Variants in CTNNBIP1 observed in about 807,000 individuals in gnomAD.
CTNNBIP1 encodes catenin beta interacting protein 1.
A neutral mutation model predicts 11.8 loss-of-function variants in CTNNBIP1; 7 were observed. That is an observed-to-expected ratio of 0.60 (90% CI 0.34 to 1.12). The LOEUF (loss-of-function observed/expected upper bound fraction) is 1.12, where lower values mean the gene tolerates loss of function less well. Among genes scored for constraint, CTNNBIP1 ranks in the 50% most tolerant of loss-of-function variants. The pLI is 0.03. For synonymous variants in CTNNBIP1, 58 were observed against 43.9 expected, an observed-to-expected ratio of 1.32 and a Z score of -1.26; for missense variants, 101 against 113.4, an observed-to-expected ratio of 0.89 and a Z score of 0.50.
At chr1:9,852,256 G>T (rs1037423729) in intron 5 of CTNNBIP1, among the ~76,000 whole-genome samples, 1 of 152,156 alleles carries the variant, frequency 6.6e-6, no homozygotes, top group East Asian at 1.9e-4. Flanking sequence ...GCTGTCGGGA[G>T]GGCCAGAGAT....
chr1:9,906,059 G>A (rs1320116489), intron 1 of CTNNBIP1, among the ~76,000 whole-genome samples: 2 of 152,232 alleles, frequency 1.3e-5, no homozygotes, highest in African/African-American at 2.4e-5. Flanking sequence ...CATATACCAA[G>A]TGCTAGGTGG....
intron 5 of CTNNBIP1, among the ~76,000 whole-genome samples, chr1:9,861,943 A>G (rs1260326889): frequency 6.6e-6 from 1 of 152,224 alleles, no homozygotes; most frequent in Non-Finnish European, 1.5e-5. Context: ...AAAGCATCAT[A>G]AACGACATCC....
intron 5 of CTNNBIP1, among the ~76,000 whole-genome samples, chr1:9,860,167 G>A (rs997203626): frequency 2.0e-5 from 3 of 152,056 alleles, no homozygotes; most frequent in African/African-American, 7.2e-5. Flanking sequence ...AAAAAAGCCT[G>A]GCTAAACTCC....
intron 1 of CTNNBIP1, among the ~76,000 whole-genome samples, chr1:9,887,316 A>G (rs1639207509): frequency 6.6e-6 from 1 of 152,208 alleles, no homozygotes; most frequent in Non-Finnish European, 1.5e-5. Context: ...GAGGCCATGG[A>G]GTAATAAGTG....
At chr1:9,862,748 G>A (rs534720516) in intron 5 of CTNNBIP1, among the ~76,000 whole-genome samples, 11 of 152,310 alleles carry the variant, frequency 7.2e-5, no homozygotes, top group African/African-American at 2.6e-4. Flanking sequence ...TTCCTAGGTG[G>A]TCTCCCCTCC....
intron 2 of CTNNBIP1, among the ~76,000 whole-genome samples, chr1:9,882,352 ACACCAGTCAAGTCACC>A (rs1267278207): frequency 6.6e-6 from 1 of 152,250 alleles, no homozygotes. Context: ...GGGGAGACAG[ACACCAGTCAAGTCACC>A]CAGATCAATG....
intron 1 of CTNNBIP1, among the ~76,000 whole-genome samples, chr1:9,899,603 C>G (rs543918039): frequency 1.3e-5 from 2 of 150,172 alleles, no homozygotes; most frequent in African/African-American, 4.9e-5. Context: ...TACTAAAATA[C>G]AAAAAATTAG....
chr1:9,882,628 G>A (rs1639107003), intron 2 of CTNNBIP1, among the ~76,000 whole-genome samples: 1 of 152,186 alleles, frequency 6.6e-6, no homozygotes, highest in Admixed American at 6.5e-5. Context: ...CCAAGGTGTG[G>A]AGCAGAGGCT....
intron 2 of CTNNBIP1, among the ~76,000 whole-genome samples, chr1:9,879,883 G>A (rs982324314): frequency 2.6e-5 from 4 of 152,084 alleles, no homozygotes; most frequent in Non-Finnish European, 2.9e-5. Flanking sequence ...AGGGATTCAC[G>A]GACAGCTGTT....
rs555868191 is a variant in CTNNBIP1, at chr1:9,851,994, C to A, written c.188-1218G>T. On this transcript the variant is annotated intron_variant, in intron 5 of 5. Transcript: ENST00000377263. This position sits in a 1 kb window ranked among gnomAD's most constrained non-coding sequence, Gnocchi z 4.8. The stretch of plus-strand genomic sequence containing the variant: ...GCCCCGAAAAGTACCAGTCTGGCTG[C>A]CCATGGTCTTTCTGACATGTTGTCT... 1.3e-5 allele frequency among the ~76,000 whole-genome samples: 2 copies of A among 152,210 alleles called. No individual in the cohort carries two copies. The highest frequency in any genetic ancestry group is 2.9e-5 in the Non-Finnish European group (2 of 68,038).
intron 5 of CTNNBIP1, among the ~76,000 whole-genome samples, chr1:9,866,163 A>T (rs1638739145): frequency 6.6e-6 from 1 of 152,244 alleles, no homozygotes; most frequent in Non-Finnish European, 1.5e-5. Flanking sequence ...GTGTGGGTGT[A>T]GCACAGCTGA....
chr1:9,892,239 G>A (rs893584743), intron 1 of CTNNBIP1, among the ~76,000 whole-genome samples: 2 of 151,998 alleles, frequency 1.3e-5, no homozygotes, highest in Non-Finnish European at 2.9e-5. Flanking sequence ...TGGCTAACAC[G>A]GTGAAACCCC....
rs1272153229 is a variant in CTNNBIP1 at position 9,867,702 on chromosome 1, AG to A, written c.187+3484del. Among the ~76,000 whole-genome samples, 1 of 152,186 alleles carries A rather than the reference AG, an allele frequency of 6.6e-6. No homozygotes were observed. Among genetic ancestry groups the A allele is most frequent in the African/African-American group, 2.4e-5 (1 of 41,436 alleles). ...CGCCAGGCCATTACCCACAGGCTCC[AG>A]GCCTTTGGGGTTCATTATGGCAGTC... On this transcript the variant is annotated intron_variant, in intron 5 of 5. Coordinates refer to ENST00000377263, the MANE Select transcript of CTNNBIP1 (RefSeq NM_020248.3). This position sits in a 1 kb window ranked among gnomAD's most constrained non-coding sequence, Gnocchi z 4.6.
chr1:9,859,941 TG>T (rs1454154147), intron 5 of CTNNBIP1, among the ~76,000 whole-genome samples: 1 of 152,132 alleles, frequency 6.6e-6, no homozygotes, highest in East Asian at 1.9e-4. Context: ...TCCAACATGG[TG>T]GGGTCTGCTT....
intron 2 of CTNNBIP1, among the ~76,000 whole-genome samples, chr1:9,882,094 C>T (rs983701837): frequency 6.6e-6 from 1 of 152,076 alleles, no homozygotes; most frequent in African/African-American, 2.4e-5. Flanking sequence ...AGTGGCAGAG[C>T]AAAGGGGTGT....
At chr1:9,862,451 C>T (rs530775657) in intron 5 of CTNNBIP1, among the ~76,000 whole-genome samples, 1 of 152,314 alleles carries the variant, frequency 6.6e-6, no homozygotes, top group Admixed American at 6.5e-5. Flanking sequence ...GCTTAAAATG[C>T]AAATTCCCAG....
chr1:9,897,011 G>A (rs1022104801), intron 1 of CTNNBIP1, among the ~76,000 whole-genome samples: 8 of 150,236 alleles, frequency 5.3e-5, no homozygotes, highest in Admixed American at 2.7e-4. Context: ...GCATGGTGGC[G>A]CGCGCCTGTA....
At chr1:9,899,628 G>A (rs538648369) in intron 1 of CTNNBIP1, among the ~76,000 whole-genome samples, 1 of 151,816 alleles carries the variant, frequency 6.6e-6, no homozygotes, top group African/African-American at 2.4e-5. Context: ...GCATGGTGAC[G>A]CATGGCTGTA....
chr1:9,907,001 TA>T (rs751441406), intron 1 of CTNNBIP1, among the ~76,000 whole-genome samples: 73 of 152,128 alleles, frequency 4.8e-4, no homozygotes, highest in Non-Finnish European at 2.1e-4. Context: ...AGAAAATGCA[TA>T]AACTGCTATA....
Sources: gnomAD v4.1 joint callset for allele counts (sites outside exome capture counted in the v4.1 genomes callset) on GRCh38, gnomAD v4.1.1 for gene constraint, Gnocchi (gnomAD v3.1) non-coding constraint, MANE v1.5 for transcripts, NCBI Gene and HGNC (gene_info 2026-07-23, HGNC 2026-07-21) for gene names.